DNER: variants seen among roughly 807,000 people sequenced by gnomAD.
The protein encoded by DNER is delta and Notch-like epidermal growth factor-related receptor.
A neutral mutation model predicts 78.2 loss-of-function variants in DNER; 33 were observed. That is an observed-to-expected ratio of 0.42 (90% CI 0.32 to 0.56). The LOEUF is 0.56. Ranked by LOEUF, DNER falls within the 20% of genes least tolerant of loss-of-function variation. The pLI is 0.11. For synonymous variants in DNER, 417 were observed against 384.8 expected (o/e 1.08, Z -0.98); for missense variants, 918 against 975.3 (o/e 0.94, Z 0.78).
chr2:229,493,605 C>T (rs12467146), intron 6 of DNER, among the ~76,000 whole-genome samples: 19,000 of 152,140 alleles, frequency 0.12, 1,327 homozygotes, highest in South Asian at 0.2. Flanking sequence ...AATAAGAGAA[C>T]TGAGCCCCTA....
At chr2:229,473,543 G>A (rs1694969337) in intron 7 of DNER, among the ~76,000 whole-genome samples, 1 of 152,148 alleles carries the variant, frequency 6.6e-6, no homozygotes, top group African/African-American at 2.4e-5. Context: ...GATTCTCATT[G>A]TTGTGAGAGT....
chr2:229,605,653 T>C lies in DNER; in HGVS notation c.277-13765A>G, dbSNP rs535117844. On this transcript the variant is annotated intron_variant, in intron 1 of 12. Coordinates refer to ENST00000341772, the MANE Select transcript of DNER (RefSeq NM_139072.4). ...TAACAATGCTTGCCATGTTGAACTA[T>C]GTGAATTGTTAGTGTATAAAGATTA... Among the ~76,000 whole-genome samples the C allele has an allele frequency of 2.6e-5, 4 of 152,212 alleles. No homozygotes were observed. The South Asian group carries it at 8.3e-4, about 32-fold the overall frequency.
chr2:229,418,168 C>T lies in DNER; in HGVS notation c.1549G>A (p.Ala517Thr), dbSNP rs549492427. The change falls in exon 9 of 13, where the codon GCA becomes ACA. Residue 517 changes from alanine (A) to threonine (T), a missense_variant. By Grantham distance (58) the Ala-to-Thr change is moderately conservative. Transcript: ENST00000341772. ...NECLSAPCLN[A>T]ATCRDLVNGY... ...TTAACGAGGTCCCTGCAGGTGGCTG[C>T]ATTCAGGCATGGAGCGGAGAGGCAC... 4.3e-6 allele frequency: 7 copies of T among 1,614,182 alleles called. No individual in the cohort carries two copies. The South Asian group carries it at 6.6e-5, about 15-fold the overall frequency.
chr2:229,681,725 G>C (rs1699389545), intron 1 of DNER, among the ~76,000 whole-genome samples: 1 of 151,586 alleles, frequency 6.6e-6, no homozygotes, highest in Admixed American at 6.6e-5. Context: ...ATTTCTCTAG[G>C]AAATACTATT....
chr2:229,506,521 C>CTTT (rs67766962), intron 6 of DNER, among the ~76,000 whole-genome samples: 63 of 145,720 alleles, frequency 4.3e-4, no homozygotes, highest in Admixed American at 1.0e-3. Flanking sequence ...CTTTTTTTTT[C>CTTT]TTTTTTTTTT....
At position 229,700,758 on chromosome 2, in the gene DNER, C is replaced by CA. The variant is rs769382080; in HGVS notation, c.276+13389dup. On this transcript the variant is annotated intron_variant, in intron 1 of 12. Coordinates refer to ENST00000341772, the MANE Select transcript of DNER (RefSeq NM_139072.4). Reference sequence around the variant, plus strand: ...TGAAACCCCATCTCTACTAAAAATACAAAAAAAAAAAAATTAGCCGGGTAT... The same window carrying CA: ...TGAAACCCCATCTCTACTAAAAATACAAAAAAAAAAAAAATTAGCCGGGTAT... Among the ~76,000 whole-genome samples the CA allele has an allele frequency of 5.8e-3, 793 of 137,790 alleles. 1 individual carries two copies. The highest frequency in any genetic ancestry group is 0.019 in the Middle Eastern group (5 of 268). 90.4% of individuals were successfully genotyped at this position (137,790 alleles called of 152,430 possible). A position where few individuals can be genotyped will look rare whatever the true frequency, so the allele number is the denominator to read the frequency against.
chr2:229,447,595 A>C, intron 7 of DNER, 55 bp from the exon 8 acceptor site: 7 of 1,533,206 alleles, frequency 4.6e-6, no homozygotes, highest in Non-Finnish European at 6.2e-6. Context: ...GCACATAATA[A>C]CTAATCAACT....
intron 1 of DNER, among the ~76,000 whole-genome samples, chr2:229,639,718 G>T (rs1320094786): frequency 2.0e-5 from 3 of 152,114 alleles, no homozygotes; most frequent in Non-Finnish European, 4.4e-5. Context: ...ATAAGACTGG[G>T]GCTTCAGACC....
At chr2:229,511,315 G>T (rs1015010564) in intron 6 of DNER, among the ~76,000 whole-genome samples, 1 of 152,190 alleles carries the variant, frequency 6.6e-6, no homozygotes, top group African/African-American at 2.4e-5. Flanking sequence ...CTTGGTGTTT[G>T]CTTTTAAGAT....
chr2:229,415,514 AC>A (rs1335595194), intron 9 of DNER, among the ~76,000 whole-genome samples: 3 of 152,206 alleles, frequency 2.0e-5, no homozygotes, highest in Non-Finnish European at 4.4e-5. Context: ...AGGCGGATCT[AC>A]TTTTTTCAAG....
intron 4 of DNER, among the ~76,000 whole-genome samples, chr2:229,569,119 G>A (rs959228051): frequency 7.9e-5 from 12 of 152,180 alleles, no homozygotes; most frequent in African/African-American, 2.9e-4. Flanking sequence ...ATCTATGTGT[G>A]TGCATATACA....
At chr2:229,576,309 A>C (rs996020282) in intron 4 of DNER, among the ~76,000 whole-genome samples, 6 of 150,216 alleles carry the variant, frequency 4.0e-5, no homozygotes, top group Admixed American at 2.0e-4. Context: ...TCCCAAAAGA[A>C]TGATGAAAGT....
intron 8 of DNER, among the ~76,000 whole-genome samples, chr2:229,438,234 G>C (rs1170447174): frequency 6.6e-6 from 1 of 152,150 alleles, no homozygotes; most frequent in Non-Finnish European, 1.5e-5. Context: ...AACGTCTATT[G>C]GTCAAGTATC....
intron 6 of DNER, among the ~76,000 whole-genome samples, chr2:229,504,832 G>T (rs538270068): frequency 1.3e-5 from 2 of 152,328 alleles, no homozygotes; most frequent in Admixed American, 1.3e-4. Context: ...ACTGGTGCTT[G>T]CACCTGGCAT....
At chr2:229,579,553 A>G (rs2154214264) in intron 4 of DNER, among the ~76,000 whole-genome samples, 1 of 152,302 alleles carries the variant, frequency 6.6e-6, no homozygotes, top group African/African-American at 2.4e-5. Flanking sequence ...GCGGTGCTCT[A>G]CAATTTTTAG....
chr2:229,499,933 T>C (rs1451645847), intron 6 of DNER, among the ~76,000 whole-genome samples: 1 of 31,776 alleles, frequency 3.1e-5, no homozygotes, highest in Non-Finnish European at 5.3e-5. Flanking sequence ...CTTTCTTTCT[T>C]TTTTTTTTTT....
intron 12 of DNER, among the ~76,000 whole-genome samples, chr2:229,359,277 C>T (rs1692160757): frequency 6.6e-6 from 1 of 152,206 alleles, no homozygotes; most frequent in Non-Finnish European, 1.5e-5. Context: ...CCTCAGAGCA[C>T]AAAGCCATTG....
intron 1 of DNER, among the ~76,000 whole-genome samples, chr2:229,690,680 A>C (rs937674315): frequency 5.9e-5 from 9 of 152,196 alleles, no homozygotes; most frequent in Non-Finnish European, 1.0e-4. Flanking sequence ...TGTGGGAAAA[A>C]AAAATCTCTG....
intron 1 of DNER, among the ~76,000 whole-genome samples, chr2:229,644,536 G>A (rs1261951966): frequency 6.6e-6 from 1 of 151,938 alleles, no homozygotes; most frequent in Non-Finnish European, 1.5e-5. Flanking sequence ...TAGTAGAGAT[G>A]GGGTTTTGCC....
Sources: allele counts gnomAD v4.1 joint callset (sites outside exome capture counted in the v4.1 genomes callset), GRCh38; gene constraint gnomAD v4.1.1; transcripts MANE v1.5; gene names NCBI Gene and HGNC (gene_info 2026-07-23, HGNC 2026-07-21).